ADCY1: variants seen among roughly 807,000 people sequenced by gnomAD.
The protein encoded by ADCY1 is adenylate cyclase 1, also known as adenylate cyclase type 1.
ADCY1 carries 28 observed loss-of-function variants against 105.4 expected under a neutral mutation model. The observed-to-expected ratio is 0.27, with a 90% CI of 0.20 to 0.36. ADCY1 has a LOEUF of 0.36. ADCY1 is among the 10% of genes least tolerant of loss of function. The pLI is 1.00. For synonymous variants in ADCY1, 655 were observed against 623.8 expected (o/e 1.05, Z -0.75); for missense variants, 977 against 1,434.2 (o/e 0.68, Z 5.15).
At chr7:45,633,798 CG>C (rs1161226017) in intron 4 of ADCY1, among the ~76,000 whole-genome samples, 103 of 116,388 alleles carry the variant, frequency 8.8e-4, no homozygotes, top group African/African-American at 3.3e-3. Flanking sequence ...GAGACATCAT[CG>C]CAAAAAAAAA....
intron 14 of ADCY1, among the ~76,000 whole-genome samples, chr7:45,700,165 A>G (rs1784970487): frequency 6.6e-6 from 1 of 152,100 alleles, no homozygotes; most frequent in African/African-American, 2.4e-5. Flanking sequence ...CCTCTTGACA[A>G]CAGTTATGGG....
chr7:45,595,199 T>C (rs1438281508), intron 2 of ADCY1, among the ~76,000 whole-genome samples: 1 of 152,238 alleles, frequency 6.6e-6, no homozygotes, highest in African/African-American at 2.4e-5. Flanking sequence ...TGTCTGCTTA[T>C]ACTCTGCTCT....
At chr7:45,622,539 C>T (rs1379429211) in intron 3 of ADCY1, 93 bp from the exon 4 acceptor site, 6 of 883,950 alleles carry the variant, frequency 6.8e-6, no homozygotes, top group Admixed American at 2.0e-5. Flanking sequence ...ATTGATTCTA[C>T]AGTGATTTGG....
At chr7:45,707,692 TC>T in intron 17 of ADCY1, among the ~76,000 whole-genome samples, 1 of 152,312 alleles carries the variant, frequency 6.6e-6, no homozygotes. Context: ...CAATATTGGT[TC>T]ATCAGTTGTA....
chr7:45,665,576 A>G (rs1689901349), intron 8 of ADCY1, among the ~76,000 whole-genome samples: 1 of 152,290 alleles, frequency 6.6e-6, no homozygotes, highest in Admixed American at 6.5e-5. Context: ...ATTAAAAAAT[A>G]AAAGCAACAT....
intron 11 of ADCY1, among the ~76,000 whole-genome samples, chr7:45,682,640 CCT>C (rs1784583097): frequency 6.6e-6 from 1 of 152,154 alleles, no homozygotes; most frequent in Admixed American, 6.5e-5. Flanking sequence ...GCATTTCAGC[CCT>C]GTTTTCCCCA....
chr7:45,597,481 A>G (rs1280402379), intron 2 of ADCY1, among the ~76,000 whole-genome samples: 1 of 152,174 alleles, frequency 6.6e-6, no homozygotes, highest in Non-Finnish European at 1.5e-5. Context: ...GTTGGCTTTT[A>G]CCAGCCGGGA....
At chr7:45,685,532 G>C (rs1459317248) in intron 12 of ADCY1, among the ~76,000 whole-genome samples, 1 of 151,764 alleles carries the variant, frequency 6.6e-6, no homozygotes, top group East Asian at 1.9e-4. Context: ...ACAGAGCTGG[G>C]GGCAGGAGGA....
intron 8 of ADCY1, among the ~76,000 whole-genome samples, chr7:45,663,708 A>G (rs1275322844): frequency 2.0e-5 from 3 of 151,864 alleles, no homozygotes; most frequent in Non-Finnish European, 4.4e-5. Flanking sequence ...AGTCCCAGCT[A>G]CTCTGGAGGC....
chr7:45,655,371 CTT>C (rs1013231426), intron 5 of ADCY1, among the ~76,000 whole-genome samples: 4 of 152,174 alleles, frequency 2.6e-5, no homozygotes, highest in Non-Finnish European at 4.4e-5. Context: ...ATAAAAAACA[CTT>C]GTGATAAATA....
At chr7:45,665,427 C>G (rs374418764) in intron 8 of ADCY1, among the ~76,000 whole-genome samples, 2 of 152,368 alleles carry the variant, frequency 1.3e-5, no homozygotes, top group East Asian at 1.9e-4. Context: ...GAACACGTCT[C>G]TATTCCAGTT....
intron 1 of ADCY1, among the ~76,000 whole-genome samples, chr7:45,588,635 A>T (rs1792805634): frequency 6.6e-6 from 1 of 151,754 alleles, no homozygotes; most frequent in South Asian, 2.1e-4. Context: ...ACAGTCAAGT[A>T]GAGATGCCCC....
chr7:45,682,280 C>A (rs2116197999), intron 11 of ADCY1, among the ~76,000 whole-genome samples: 1 of 152,272 alleles, frequency 6.6e-6, no homozygotes, highest in South Asian at 2.1e-4. Context: ...TCCATCTTGA[C>A]CATCTGCAGA....
chr7:45,603,084 C>G (rs529451902), intron 2 of ADCY1, among the ~76,000 whole-genome samples: 2 of 152,294 alleles, frequency 1.3e-5, no homozygotes, highest in African/African-American at 2.4e-5. Context: ...GTGACTGGCT[C>G]TTTCCACTTA....
Position 45,686,625 on chromosome 7 carries a change from C to G in ADCY1, c.2406C>G (p.Ala802=). 4 of 1,613,500 alleles carry G rather than the reference C, an allele frequency of 2.5e-6. No homozygotes were observed. Among genetic ancestry groups the G allele is most frequent in the Non-Finnish European group, 3.4e-6 (4 of 1,179,536 alleles). ...LLFSCALALH[A]RQVDIRLRLD... ...TCTCCTGTGCGCTGGCCCTGCATGC[C>G]AGGCAGGTGGACATCAGGCTGAGGC... is the stretch of plus-strand genomic sequence containing the variant. The change falls in exon 14 of 20, where the codon GCC becomes GCG. Residue 802 remains alanine (A), a synonymous_variant. Transcript: ENST00000297323. This position sits in a 1 kb window ranked among gnomAD's most constrained non-coding sequence, Gnocchi z 4.3.
At chr7:45,655,809 C>T (rs918230142) in intron 5 of ADCY1, among the ~76,000 whole-genome samples, 2 of 152,070 alleles carry the variant, frequency 1.3e-5, no homozygotes, top group Non-Finnish European at 2.9e-5. Context: ...GTGCCATTTA[C>T]TGTTTCATGG....
chr7:45,658,299 A>G (rs563571873), intron 6 of ADCY1, among the ~76,000 whole-genome samples: 3 of 152,278 alleles, frequency 2.0e-5, no homozygotes, highest in African/African-American at 7.2e-5. Context: ...TCCACCCCCA[A>G]GCTCCACACA....
chr7:45,677,130 C>T (rs1167072781), intron 8 of ADCY1, among the ~76,000 whole-genome samples: 2 of 152,182 alleles, frequency 1.3e-5, no homozygotes, highest in Non-Finnish European at 2.9e-5. Context: ...CCACCTTTCA[C>T]AGTCTGTGTG....
chr7:45,622,840 A>T, intron 4 of ADCY1, 97 bp downstream of exon 4: 1 of 906,562 alleles, frequency 1.1e-6, no homozygotes, highest in South Asian at 1.5e-5. Context: ...CATGAACTAG[A>T]CTGATTGCTA....
Sources: allele counts gnomAD v4.1 joint callset (sites outside exome capture counted in the v4.1 genomes callset), GRCh38; gene constraint gnomAD v4.1.1; non-coding constraint Gnocchi (gnomAD v3.1); transcripts MANE v1.5; gene names NCBI Gene and HGNC (gene_info 2026-07-23, HGNC 2026-07-21).